Variants in SH3GL2 observed in about 807,000 individuals in gnomAD.
The protein encoded by SH3GL2 is endophilin-A1.
In SH3GL2, 24 loss-of-function variants were observed where a neutral mutation model predicts 46.0. That is an observed-to-expected ratio of 0.52 (90% CI 0.38 to 0.73). SH3GL2 has a LOEUF of 0.73. SH3GL2 is among the 30% of genes least tolerant of loss of function. SH3GL2 has a pLI of 0.00. For synonymous variants in SH3GL2, 196 were observed against 147.1 expected (o/e 1.33, Z -2.40); for missense variants, 413 against 424.2 (o/e 0.97, Z 0.23).
intron 7 of SH3GL2, among the ~76,000 whole-genome samples, chr9:17,792,006 T>G (rs1205549449): frequency 1.3e-5 from 2 of 152,216 alleles, no homozygotes; most frequent in Non-Finnish European, 2.9e-5. Context: ...TAATATGTGT[T>G]ATTTTAATTT....
chr9:17,654,838 G>A (rs995886125), intron 1 of SH3GL2, among the ~76,000 whole-genome samples: 6 of 152,068 alleles, frequency 3.9e-5, no homozygotes, highest in African/African-American at 1.2e-4. Context: ...TTAGGTAATA[G>A]TACAAAATAA....
chr9:17,736,214 G>C (rs1287659700), intron 1 of SH3GL2, among the ~76,000 whole-genome samples: 2 of 152,122 alleles, frequency 1.3e-5, no homozygotes, highest in Non-Finnish European at 2.9e-5. Context: ...GTATGGATAT[G>C]TATGTCTGCC....
chr9:17,580,105 C>G (rs887112177), intron 1 of SH3GL2, among the ~76,000 whole-genome samples: 2 of 152,120 alleles, frequency 1.3e-5, no homozygotes, highest in Admixed American at 6.5e-5. Context: ...AATCATTGGA[C>G]TCAAAGAATT....
In SH3GL2 at chr9:17,795,778, C is replaced by G; in HGVS notation, c.*35C>G. 6.5e-7 allele frequency: 1 copy of G among 1,546,716 alleles called. No individual in the cohort carries two copies. The highest frequency in any genetic ancestry group is 1.1e-5 in the South Asian group (1 of 87,664). On this transcript the variant is annotated 3_prime_UTR_variant, in exon 9 of 9. Transcript: ENST00000380607. Reference sequence around the variant, plus strand: ...CTGGCTGGCTCGCCTCCTCTTGACCCAGATAGTTACGGTTAACCACTGCTT... The same window carrying G: ...CTGGCTGGCTCGCCTCCTCTTGACCGAGATAGTTACGGTTAACCACTGCTT...
chr9:17,701,817 GA>G (rs1312371703), intron 1 of SH3GL2, among the ~76,000 whole-genome samples: 3 of 151,988 alleles, frequency 2.0e-5, no homozygotes, highest in African/African-American at 7.2e-5. Flanking sequence ...ATGAGAAACA[GA>G]AAAGCATACC....
chr9:17,712,806 T>A (rs986362580), intron 1 of SH3GL2, among the ~76,000 whole-genome samples: 2 of 151,690 alleles, frequency 1.3e-5, no homozygotes, highest in African/African-American at 4.8e-5. Context: ...AATCAATCTG[T>A]TGGTCTATCT....
chr9:17,629,798 T>A (rs1015271360), intron 1 of SH3GL2, among the ~76,000 whole-genome samples: 2 of 152,240 alleles, frequency 1.3e-5, no homozygotes, highest in Admixed American at 1.3e-4. Context: ...CATATACCTG[T>A]GTCCAGGTGT....
chr9:17,685,887 G>A (rs1199426784), intron 1 of SH3GL2, among the ~76,000 whole-genome samples: 1 of 151,934 alleles, frequency 6.6e-6, no homozygotes, highest in Non-Finnish European at 1.5e-5. Context: ...CATGGGCAAG[G>A]ACTTCATGTC....
At chr9:17,624,408 A>G (rs568691910) in intron 1 of SH3GL2, among the ~76,000 whole-genome samples, 1 of 152,298 alleles carries the variant, frequency 6.6e-6, no homozygotes, top group East Asian at 1.9e-4. Flanking sequence ...GATGATTATT[A>G]CTGGGTCCAG....
chr9:17,786,611 A>T lies in SH3GL2; in HGVS notation c.331+87A>T, dbSNP rs530117572. The T allele has an allele frequency of 3.6e-5, 50 of 1,404,736 alleles. No individual in the cohort carries two copies. The African/African-American group carries it at 5.9e-4, about 17-fold the overall frequency. The allele number at this position is 1,404,736 out of a possible 1,614,324, so 87.0% of individuals were successfully genotyped here. On this transcript the variant is annotated intron_variant, in intron 4 of 8. Transcript: ENST00000380607. ...AAGAAATTCTGTAGGGAATCGGTCA[A>T]ATCATTTTATATTTTGGTTTTCAGT...
At chr9:17,671,690 C>A (rs1352986953) in intron 1 of SH3GL2, among the ~76,000 whole-genome samples, 1 of 152,114 alleles carries the variant, frequency 6.6e-6, no homozygotes, top group Non-Finnish European at 1.5e-5. Context: ...CTTTCAGAAG[C>A]CTCTGACTAA....
At chr9:17,735,979 T>C (rs1822323097) in intron 1 of SH3GL2, among the ~76,000 whole-genome samples, 1 of 152,068 alleles carries the variant, frequency 6.6e-6, no homozygotes. Flanking sequence ...TAGGGGAGAC[T>C]CCACAATTTC....
intron 3 of SH3GL2, among the ~76,000 whole-genome samples, chr9:17,769,668 G>A (rs566705306): frequency 2.6e-5 from 4 of 152,108 alleles, no homozygotes; most frequent in South Asian, 2.1e-4. Flanking sequence ...ATTGAAAATA[G>A]TTTCTCCTCA....
Position 17,579,102 on chromosome 9 carries a change from A to T in SH3GL2, c.-141A>T. On this transcript the variant is annotated 5_prime_UTR_variant, in exon 1 of 9. Coordinates refer to ENST00000380607, the MANE Select transcript of SH3GL2 (RefSeq NM_003026.5). ...TCTCCGCAAGAGCCCGTGTCCCGCT[A>T]GGCTCCGCGCCCTCGCGCCCATAGC... 1 of 512,548 alleles carries T rather than the reference A, an allele frequency of 2.0e-6. No individual in the cohort carries two copies. Among genetic ancestry groups the T allele is most frequent in the Admixed American group, 4.5e-5 (1 of 22,444 alleles). 31.8% of individuals were successfully genotyped at this position (512,548 alleles called of 1,614,324 possible). A position where few individuals can be genotyped will look rare whatever the true frequency, so the allele number is the denominator to read the frequency against.
chr9:17,712,198 A>C (rs756755452), intron 1 of SH3GL2, among the ~76,000 whole-genome samples: 1 of 151,820 alleles, frequency 6.6e-6, no homozygotes, highest in Non-Finnish European at 1.5e-5. Context: ...AATTATTTAC[A>C]TACTGTGGAT....
At chr9:17,757,882 G>C (rs1055482722) in intron 2 of SH3GL2, among the ~76,000 whole-genome samples, 1 of 152,158 alleles carries the variant, frequency 6.6e-6, no homozygotes, top group African/African-American at 2.4e-5. Context: ...TCTGCCAAGT[G>C]CATAACAAGG....
chr9:17,660,428 G>A (rs1161496965), intron 1 of SH3GL2, among the ~76,000 whole-genome samples: 1 of 152,164 alleles, frequency 6.6e-6, no homozygotes, highest in African/African-American at 2.4e-5. Context: ...ATGTTCTGTA[G>A]CTGAGCCGGT....
At chr9:17,789,604 A>T (rs756391885) in intron 6 of SH3GL2, 54 bp downstream of exon 6, 1 of 1,606,106 alleles carries the variant, frequency 6.2e-7, no homozygotes, top group East Asian at 2.2e-5. Flanking sequence ...CACAACATTA[A>T]TATGTTAAAG....
At chr9:17,753,569 T>G (rs1345047107) in intron 2 of SH3GL2, among the ~76,000 whole-genome samples, 1 of 152,250 alleles carries the variant, frequency 6.6e-6, no homozygotes, top group African/African-American at 2.4e-5. Flanking sequence ...AGATGCTGGA[T>G]ATTAGACCTT....
Sources: allele counts gnomAD v4.1 joint callset (sites outside exome capture counted in the v4.1 genomes callset), GRCh38; gene constraint gnomAD v4.1.1; transcripts MANE v1.5; gene names NCBI Gene and HGNC (gene_info 2026-07-23, HGNC 2026-07-21).